Variants in RAI1 observed in about 807,000 individuals in gnomAD.
RAI1 encodes the protein retinoic acid-induced protein 1.
A neutral mutation model predicts 123.8 loss-of-function variants in RAI1; 9 were observed. That is an observed-to-expected ratio of 0.07 (90% CI 0.04 to 0.13). The LOEUF (loss-of-function observed/expected upper bound fraction) is 0.13, where lower values mean the gene tolerates loss of function less well. Among genes scored for constraint, RAI1 ranks in the 10% least tolerant of loss-of-function variants. RAI1 has a pLI of 1.00. For missense variants in RAI1, 2,256 were observed against 2,545.8 expected, an observed-to-expected ratio of 0.89 and a Z score of 2.45; for synonymous variants, 1,231 against 1,127.3, an observed-to-expected ratio of 1.09 and a Z score of -1.84.
At chr17:17,702,719 C>T (rs1000853330) in intron 1 of RAI1, among the ~76,000 whole-genome samples, 1 of 152,210 alleles carries the variant, frequency 6.6e-6, no homozygotes, top group Non-Finnish European at 1.5e-5. Context: ...TAGCACCTCC[C>T]TGCCAGGCTA....
intron 1 of RAI1, among the ~76,000 whole-genome samples, chr17:17,690,614 G>A (rs889970071): frequency 6.6e-6 from 1 of 152,118 alleles, no homozygotes; most frequent in Admixed American, 6.5e-5. Flanking sequence ...GGCCTCTAAA[G>A]CACTTAGCCA....
chr17:17,797,614 C>T lies in RAI1; in HGVS notation c.4666C>T (p.Arg1556Cys), dbSNP rs925201797. The T allele has an allele frequency of 2.5e-6, 4 of 1,613,854 alleles. No homozygotes were observed. Among genetic ancestry groups the T allele is most frequent in the African/African-American group, 1.3e-5 (1 of 74,942 alleles). The change falls in exon 3 of 6, where the codon CGT (arginine) becomes TGT (cysteine). Residue 1556 changes from arginine (R) to cysteine (C), a missense_variant. Arg to Cys is a radical substitution (Grantham distance 180). Around this residue, in one of 7 missense-constraint regions of RAI1, gnomAD observed 410 missense variants for 374.6 expected, o/e 1.09. Transcript: ENST00000353383. ...CACCACCTCTTCACCCTGTAAGGGG[C>T]GTGCCAAGCGACGACGACAGCAGCA... Reference protein sequence around the residue: ...KNTTSSPCKGRAKRRRQQQVL... With the variant: ...KNTTSSPCKGCAKRRRQQQVL...
At chr17:17,772,123 G>A (rs770411511) in intron 2 of RAI1, among the ~76,000 whole-genome samples, 2 of 152,216 alleles carry the variant, frequency 1.3e-5, no homozygotes, top group Non-Finnish European at 2.9e-5. Context: ...TTGGCAATAT[G>A]TACGGGAGGT....
chr17:17,722,657 C>T (rs1238791522), intron 1 of RAI1, among the ~76,000 whole-genome samples: 4 of 152,228 alleles, frequency 2.6e-5, no homozygotes, highest in African/African-American at 9.6e-5. Flanking sequence ...TTCTGTGCTG[C>T]GCCAGAATCA....
chr17:17,792,917 C>T lies in RAI1; in HGVS notation c.-16-16C>T. 2 of 1,067,626 alleles carry T rather than the reference C, an allele frequency of 1.9e-6. No homozygotes were observed. The highest frequency in any genetic ancestry group is 4.3e-5 in the East Asian group (1 of 23,268). 66.1% of individuals were successfully genotyped at this position (1,067,626 alleles called of 1,614,324 possible). On this transcript the variant is annotated splice_polypyrimidine_tract_variant and intron_variant, in intron 2 of 5. Transcript: ENST00000353383. ...CCTCCTTCCCTCCCTCCCTCCCTTCCTTTTTCTTTTCACAGATAACCAGCC... is the reference window on the plus strand; with the variant it reads ...CCTCCTTCCCTCCCTCCCTCCCTTCTTTTTTCTTTTCACAGATAACCAGCC...
chr17:17,701,020 A>G (rs550398455), intron 1 of RAI1, among the ~76,000 whole-genome samples: 1 of 152,166 alleles, frequency 6.6e-6, no homozygotes, highest in African/African-American at 2.4e-5. Context: ...CGTCTTTAGA[A>G]GCTGGTACCT....
At chr17:17,686,822 G>A (rs1424286583) in intron 1 of RAI1, among the ~76,000 whole-genome samples, 4 of 151,822 alleles carry the variant, frequency 2.6e-5, no homozygotes, top group East Asian at 1.9e-4. Flanking sequence ...CAGGCGCATC[G>A]TCTCACACCA....
At position 17,734,532 on chromosome 17, in the gene RAI1, C is replaced by T. The variant is rs116834162; in HGVS notation, c.-17+10373C>T. Among the ~76,000 whole-genome samples the T allele has an allele frequency of 6.9e-3, 1,047 of 152,330 alleles. 9 individuals are homozygous for T. Among genetic ancestry groups the T allele is most frequent in the African/African-American group, 0.024 (998 of 41,570 alleles). On this transcript the variant is annotated intron_variant, in intron 2 of 5. Coordinates refer to ENST00000353383, the MANE Select transcript of RAI1 (RefSeq NM_030665.4). Reference sequence around the variant, plus strand: ...GGGAGGCCTAACAAATGGTACTTATCCTCCCGTGGGAGCAGACCAGGGCTA... The same window carrying T: ...GGGAGGCCTAACAAATGGTACTTATTCTCCCGTGGGAGCAGACCAGGGCTA...
At chr17:17,709,139 A>G (rs747212482) in intron 1 of RAI1, among the ~76,000 whole-genome samples, 7 of 152,130 alleles carry the variant, frequency 4.6e-5, no homozygotes, top group Non-Finnish European at 7.4e-5. Flanking sequence ...CATTATGACA[A>G]TGATGACTGA....
chr17:17,784,376 C>T (rs1023154597), intron 2 of RAI1, among the ~76,000 whole-genome samples: 1 of 152,252 alleles, frequency 6.6e-6, no homozygotes, highest in Admixed American at 6.5e-5. Context: ...CTCTGGGAAG[C>T]TGGCGTATCC....
At chr17:17,784,957 A>C (rs1397609537) in intron 2 of RAI1, among the ~76,000 whole-genome samples, 2 of 152,008 alleles carry the variant, frequency 1.3e-5, no homozygotes, top group Non-Finnish European at 2.9e-5. Context: ...ATCCTTCCCC[A>C]CATAGTTAAG....
intron 1 of RAI1, among the ~76,000 whole-genome samples, chr17:17,693,371 A>C (rs1243790455): frequency 1.3e-5 from 2 of 152,244 alleles, no homozygotes; most frequent in African/African-American, 4.8e-5. Flanking sequence ...CCTGATTGAC[A>C]AACAAAACAA....
chr17:17,784,894 C>T lies in RAI1; in HGVS notation c.-16-8039C>T, dbSNP rs1285196890. On this transcript the variant is annotated intron_variant, in intron 2 of 5. Coordinates refer to ENST00000353383, the MANE Select transcript of RAI1 (RefSeq NM_030665.4). ...AGGTAACTGCAGGGGTCCCCATTTG[C>T]TCTTTGCAGCCCCCCAGTCCCACCC... Among the ~76,000 whole-genome samples, 37 of 152,124 alleles carry T rather than the reference C, an allele frequency of 2.4e-4. 1 individual carries two copies. Among genetic ancestry groups the T allele is most frequent in the Non-Finnish European group, 5.9e-5 (4 of 67,998 alleles).
chr17:17,729,752 T>A (rs569018065), intron 2 of RAI1, among the ~76,000 whole-genome samples: 1 of 152,326 alleles, frequency 6.6e-6, no homozygotes, highest in Admixed American at 6.5e-5. Context: ...GGCCTTGGGT[T>A]TGCTGGCTTC....
At chr17:17,705,764 G>A (rs930140106) in intron 1 of RAI1, among the ~76,000 whole-genome samples, 3 of 151,934 alleles carry the variant, frequency 2.0e-5, no homozygotes, top group Non-Finnish European at 4.4e-5. Context: ...GGTGGCTCAC[G>A]CCTGTAATCC....
intron 3 of RAI1, among the ~76,000 whole-genome samples, chr17:17,802,757 CAG>C (rs1258290735): frequency 4.6e-5 from 7 of 150,844 alleles, no homozygotes; most frequent in Admixed American, 2.0e-4. Flanking sequence ...GCCTGGGCAA[CAG>C]AGCAAGACTC....
intron 2 of RAI1, among the ~76,000 whole-genome samples, chr17:17,748,683 A>T (rs961198590): frequency 6.6e-6 from 1 of 152,078 alleles, no homozygotes; most frequent in African/African-American, 2.4e-5. Flanking sequence ...CGAGGCTGGC[A>T]TACCTGGCAG....
chr17:17,801,843 G>A lies in RAI1; in HGVS notation c.5566-1913G>A, dbSNP rs917055645. On this transcript the variant is annotated intron_variant, in intron 3 of 5. Transcript: ENST00000353383. This position sits in a 1 kb window ranked among gnomAD's most constrained non-coding sequence, Gnocchi z 4.1. ...TCAGAGACCAGCCTGGAGCCCTCGG[G>A]CAGGTTACTCAGCCTCAGCTCTCAT... is the stretch of plus-strand genomic sequence containing the variant. Among the ~76,000 whole-genome samples, 11 of 152,230 alleles carry A rather than the reference G, an allele frequency of 7.2e-5. No homozygotes were observed. The highest frequency in any genetic ancestry group is 4.6e-4 in the Admixed American group (7 of 15,292).
Position 17,681,665 on chromosome 17 carries a change from C to A in RAI1, c.-277C>A, listed in dbSNP as rs543198418. The A allele has an allele frequency of 1.8e-4, 47 of 262,272 alleles. No homozygotes were observed. The East Asian group carries it at 3.0e-3, about 17-fold the overall frequency. The allele number at this position is 262,272 out of a possible 1,614,324, so 16.2% of individuals were successfully genotyped here. A position where few individuals can be genotyped will look rare whatever the true frequency, so the allele number is the denominator to read the frequency against. ...CGGCGCGAGGAGGGGGCGCCGCGGC[C>A]CACCCTCCTTCCTGCCTGGCCGCGG... On this transcript the variant is annotated 5_prime_UTR_variant, in exon 1 of 6. Transcript: ENST00000353383.
Sources: allele counts gnomAD v4.1 joint callset (sites outside exome capture counted in the v4.1 genomes callset), GRCh38; gene constraint gnomAD v4.1.1; regional missense constraint gnomAD v4.1.1; non-coding constraint Gnocchi (gnomAD v3.1); transcripts MANE v1.5; gene names NCBI Gene and HGNC (gene_info 2026-07-23, HGNC 2026-07-21).